The following COPB2 variants were observed in gnomAD, a reference collection of about 807,000 sequenced individuals.
The protein encoded by COPB2 is coat protein complex I subunit beta 2.
A neutral mutation model predicts 120.8 loss-of-function variants in COPB2; 16 were observed. The observed-to-expected ratio is 0.13, with a 90% confidence interval of 0.09 to 0.20. The LOEUF (loss-of-function observed/expected upper bound fraction) is 0.20. COPB2 is among the 10% of genes least tolerant of loss of function. The probability of loss-of-function intolerance (pLI) is 1.00; values close to 1 mark genes in which losing one functional copy is unlikely to be tolerated. For missense variants in COPB2, 794 were observed against 1,076.5 expected (o/e 0.74, Z 3.67); for synonymous variants, 332 against 366.3 (o/e 0.91, Z 1.07).
chr3:139,376,164 G>A (rs1241952618), intron 5 of COPB2, among the ~76,000 whole-genome samples: 2 of 152,208 alleles, frequency 1.3e-5, no homozygotes, highest in Non-Finnish European at 2.9e-5. Flanking sequence ...GGCTGAGGCA[G>A]GAGGATCGCT....
intron 1 of COPB2, among the ~76,000 whole-genome samples, chr3:139,386,163 TACTTTA>T (rs1245904185): frequency 3.9e-5 from 6 of 152,174 alleles, no homozygotes; most frequent in Non-Finnish European, 2.9e-5. Context: ...CTTTACCTCT[TACTTTA>T]AAAGATCAGA....
intron 18 of COPB2, 28 bp from the exon 19 acceptor site, chr3:139,359,206 G>C: frequency 6.2e-7 from 1 of 1,611,920 alleles, no homozygotes; most frequent in Non-Finnish European, 8.5e-7. Context: ...GAACCAAAGA[G>C]AGACTAAGTA....
At position 139,373,826 on chromosome 3, in the gene COPB2, A is replaced by G; in HGVS notation, c.752-18T>C. 6.2e-7 allele frequency: 1 copy of G among 1,613,588 alleles called. No individual in the cohort carries two copies. Among genetic ancestry groups the G allele is most frequent in the Admixed American group, 1.7e-5 (1 of 59,974 alleles). On this transcript the variant is annotated intron_variant, in intron 7 of 21. Coordinates refer to ENST00000333188, the MANE Select transcript of COPB2 (RefSeq NM_004766.3). ...TACTGTTCCTAAAAAGAACAATGTA[A>G]ATACTCCCTTTTGATACAAACATCC...
Position 139,383,080 on chromosome 3 carries a change from T to C in COPB2, c.141+218A>G, listed in dbSNP as rs1576379490. On this transcript the variant is annotated intron_variant, in intron 2 of 21. Coordinates refer to ENST00000333188, the MANE Select transcript of COPB2 (RefSeq NM_004766.3). ...GCTAATACTACCTAAGTCAGAGTTG[T>C]TATATTTAAATATTGTATATAACAT... 3 of 559,914 alleles carry C rather than the reference T, an allele frequency of 5.4e-6. No individual in the cohort carries two copies. In the East Asian group the frequency reaches 9.1e-5, roughly 17 times the overall value. The allele number at this position is 559,914 out of a possible 1,614,324, so 34.7% of individuals were successfully genotyped here. A position where few individuals can be genotyped will look rare whatever the true frequency, so the allele number is the denominator to read the frequency against.
chr3:139,359,147 T>C lies in COPB2; in HGVS notation c.2335A>G (p.Lys779Glu). ...VVKLWRENLS[K>E]VNQKAAESLA... is the part of the protein sequence containing the mutation. ...GATTCTGCTGCTTTCTGATTGACTT[T>C]TGAGAGATTCTCTCTCCAGAGTTTC... The change falls in exon 19 of 22, where the codon AAA (lysine) becomes GAA (glutamate). Residue 779 changes from lysine to glutamate, a missense_variant. Transcript: ENST00000333188. 6.2e-7 allele frequency: 1 copy of C among 1,613,936 alleles called. No individual in the cohort carries two copies.
intron 20 of COPB2, chr3:139,358,478 A>C: frequency 1.6e-6 from 1 of 608,426 alleles, no homozygotes; most frequent in Non-Finnish European, 2.9e-6. Context: ...GGAGATCGAG[A>C]CCATCCTGGC....
In COPB2 at chr3:139,358,983, A is replaced by C. The variant is rs749011752; in HGVS notation, c.2484+15T>G. 3.1e-6 allele frequency: 5 copies of C among 1,608,724 alleles called. No individual in the cohort carries two copies. On this transcript the variant is annotated intron_variant, in intron 19 of 21. Transcript: ENST00000333188. ...GTAGTTACAATAAATGAAGCTTGAC[A>C]TCCTGGCCACTCACCGTGACAAGTG...
intron 2 of COPB2, chr3:139,381,946 CAAGATA>C (rs955591159): frequency 6.7e-6 from 1 of 149,550 alleles, no homozygotes; most frequent in African/African-American, 2.5e-5. Flanking sequence ...AAACAATTCA[CAAGATA>C]AAGATCTGAA....
At chr3:139,367,290 G>T in intron 13 of COPB2, 145 bp from the exon 14 acceptor site, 3 of 1,008,882 alleles carry the variant, frequency 3.0e-6, no homozygotes, top group South Asian at 4.0e-5. Flanking sequence ...AATTTTCCTT[G>T]GAATTTTTTT....
At chr3:139,366,305 T>C (rs1470867755) in intron 15 of COPB2, among the ~76,000 whole-genome samples, 6 of 151,842 alleles carry the variant, frequency 4.0e-5, no homozygotes, top group African/African-American at 1.5e-4. Context: ...GAAATGAAAA[T>C]ATCAGGAGAC....
chr3:139,373,463 CCAAAA>C (rs1332580306), intron 8 of COPB2, 51 bp from the exon 9 acceptor site: 2 of 1,597,594 alleles, frequency 1.3e-6, no homozygotes, highest in African/African-American at 1.3e-5. Context: ...ATGAATAAAA[CCAAAA>C]CAAAACAGAT....
Position 139,367,072 on chromosome 3 carries a change from A to C in COPB2, c.1619T>G (p.Val540Gly). Residue 540 changes from valine (V) to glycine (G), a missense_variant, in exon 14 of 22, where the codon GTG (valine) becomes GGG (glycine). Physicochemically the swap from Val to Gly is moderately radical, Grantham distance 109 (BLOSUM62 -3). Around this residue, in one of 3 missense-constraint regions of COPB2, gnomAD observed 610 missense variants for 866.7 expected, o/e 0.70. Coordinates refer to ENST00000333188, the MANE Select transcript of COPB2 (RefSeq NM_004766.3). ...TCCAACATAATAATTTAATCTGTTC[A>C]CAGAACTTGTGTAAATGAAGCAATC... ...VGDCFIYTSSVNRLNYYVGGE... is the reference protein window; with the variant it reads ...VGDCFIYTSSGNRLNYYVGGE... 4 of 1,614,040 alleles carry C rather than the reference A, an allele frequency of 2.5e-6. No homozygotes were observed. Among genetic ancestry groups the C allele is most frequent in the Non-Finnish European group, 3.4e-6 (4 of 1,179,940 alleles).
chr3:139,362,574 T>A (rs1330850247), intron 15 of COPB2, 57 bp from the exon 16 acceptor site: 14 of 778,058 alleles, frequency 1.8e-5, no homozygotes, highest in East Asian at 5.8e-5. Context: ...TATGTATGTT[T>A]TATATATATA....
chr3:139,373,778 T>TG lies in COPB2; in HGVS notation c.781_782insC (p.Tyr261SerfsTer4). The TG allele has an allele frequency of 6.2e-7, 1 of 1,614,126 alleles. No homozygotes were observed. On this transcript the variant is annotated frameshift_variant, in exon 8 of 22. Transcript: ENST00000333188. LOFTEE classifies it high-confidence loss of function. ...ATAATTCAGTGTGCTCTCAAGCCGG[T>TG]AGGTGCTTGAATGCCAAATACGTAC...
chr3:139,368,157 T>G lies in COPB2; in HGVS notation c.1533A>C (p.Glu511Asp). The G allele has an allele frequency of 6.2e-7, 1 of 1,613,226 alleles. No individual in the cohort carries two copies. ...THEGVTEDGI[E>D]DAFEVLGEIQ... ...CTGATGCAATTACCTCAAAGGCATCTTCAATGCCATCTTCAGTAACTCCCT... is the reference window on the plus strand; with the variant it reads ...CTGATGCAATTACCTCAAAGGCATCGTCAATGCCATCTTCAGTAACTCCCT... The change falls in exon 13 of 22, where the codon GAA (glutamate) becomes GAC (aspartate). Residue 511 changes from glutamate to aspartate, a missense_variant. Around this residue, in one of 3 missense-constraint regions of COPB2, gnomAD observed 610 missense variants for 866.7 expected, o/e 0.70. Transcript: ENST00000333188.
In COPB2 at chr3:139,386,483, C is replaced by T. The variant is rs542990300; in HGVS notation, c.4-3048G>A. Reference sequence around the variant, plus strand: ...GCCAGGCTGGTCTCGAACTCCTCTCCTGACCTTGTGATCCACCCACCTCGG... The same window carrying T: ...GCCAGGCTGGTCTCGAACTCCTCTCTTGACCTTGTGATCCACCCACCTCGG... On this transcript the variant is annotated intron_variant, in intron 1 of 21. Coordinates refer to ENST00000333188, the MANE Select transcript of COPB2 (RefSeq NM_004766.3). 1.9e-3 allele frequency among the ~76,000 whole-genome samples: 284 copies of T among 152,286 alleles called. 2 individuals are homozygous for T. The highest frequency in any genetic ancestry group is 3.6e-3 in the Non-Finnish European group (244 of 68,004).
intron 4 of COPB2, 66 bp from the exon 5 acceptor site, chr3:139,378,255 T>A: frequency 7.1e-7 from 1 of 1,414,474 alleles, no homozygotes; most frequent in South Asian, 1.7e-5. Flanking sequence ...TAAGACACAG[T>A]CTTTAGAAGA....
chr3:139,363,334 C>T (rs577141476), intron 15 of COPB2, among the ~76,000 whole-genome samples: 5 of 152,302 alleles, frequency 3.3e-5, no homozygotes, highest in South Asian at 4.1e-4. Flanking sequence ...CCGCCTGTAA[C>T]GGCATTAGAT....
Position 139,366,630 on chromosome 3 carries a change from T to G in COPB2, c.1822A>C (p.Lys608Gln). 6.2e-7 allele frequency: 1 copy of G among 1,614,096 alleles called. No individual in the cohort carries two copies. The highest frequency in any genetic ancestry group is 8.5e-7 in the Non-Finnish European group (1 of 1,179,978). ...VMRRDFSMAD[K>Q]VLPTIPKEQR... Reference sequence around the variant, plus strand: ...TCTTTTGGAATGGTAGGAAGGACCTTATCAGCCATGCTAAAGTCCCTCCGC... The same window carrying G: ...TCTTTTGGAATGGTAGGAAGGACCTGATCAGCCATGCTAAAGTCCCTCCGC... The change falls in exon 15 of 22, where the codon AAG becomes CAG. Residue 608 changes from lysine (K) to glutamine (Q), a missense_variant. Transcript: ENST00000333188.
Sources: gnomAD v4.1 joint callset for allele counts (sites outside exome capture counted in the v4.1 genomes callset) on GRCh38, gnomAD v4.1.1 for gene constraint, gnomAD v4.1.1 regional missense constraint, MANE v1.5 for transcripts, NCBI Gene and HGNC (gene_info 2026-07-23, HGNC 2026-07-21) for gene names.